CTNNA2: variants seen among roughly 807,000 people sequenced by gnomAD.
The protein encoded by CTNNA2 is catenin alpha 2.
CTNNA2 carries 42 observed loss-of-function variants against 101.0 expected under a neutral mutation model. The ratio of observed to expected loss-of-function variants is 0.42; its 90% CI spans 0.32 to 0.54. The LOEUF is 0.54. Ranked by LOEUF, CTNNA2 falls within the 20% of genes least tolerant of loss-of-function variation. The probability of loss-of-function intolerance (pLI) is 0.14; values close to 1 mark genes in which losing one functional copy is unlikely to be tolerated. For missense variants in CTNNA2, 871 were observed against 1,223.1 expected (o/e 0.71, Z 4.29); for synonymous variants, 450 against 456.4 (o/e 0.99, Z 0.18).
chr2:80,293,328 T>G (rs1048081036), intron 7 of CTNNA2, among the ~76,000 whole-genome samples: 2 of 152,220 alleles, frequency 1.3e-5, no homozygotes, highest in East Asian at 3.8e-4. Context: ...ACAATATCTC[T>G]AAGATAGAGA....
intron 9 of CTNNA2, among the ~76,000 whole-genome samples, chr2:80,504,079 TG>T (rs1377806857): frequency 6.6e-6 from 1 of 152,184 alleles, no homozygotes; most frequent in Non-Finnish European, 1.5e-5. Context: ...ATTCTGAGCA[TG>T]GTTTAGTTAG....
intron 12 of CTNNA2, among the ~76,000 whole-genome samples, chr2:80,561,805 C>T (rs1057447714): frequency 6.0e-5 from 9 of 149,998 alleles, no homozygotes; most frequent in African/African-American, 7.4e-5. Flanking sequence ...TGATTACAGG[C>T]GGTCGCCACC....
At chr2:79,501,721 A>C (rs2103804816) in intron 4 of CTNNA2, among the ~76,000 whole-genome samples, 1 of 152,292 alleles carries the variant, frequency 6.6e-6, no homozygotes, top group African/African-American at 2.4e-5. Context: ...CCCAAATCTA[A>C]AAGTGAAAAT....
intron 7 of CTNNA2, among the ~76,000 whole-genome samples, chr2:79,932,575 T>G (rs926369226): frequency 2.0e-5 from 3 of 152,096 alleles, no homozygotes; most frequent in African/African-American, 7.2e-5. Flanking sequence ...GAGCCAGTTA[T>G]TGAAGTAAGC....
intron 1 of CTNNA2, among the ~76,000 whole-genome samples, chr2:79,588,911 G>A (rs770527847): frequency 2.6e-5 from 4 of 152,116 alleles, no homozygotes; most frequent in Non-Finnish European, 5.9e-5. Flanking sequence ...GGCAATTTGG[G>A]TAAATTAATG....
chr2:79,672,746 C>T (rs1046752150), intron 2 of CTNNA2, among the ~76,000 whole-genome samples: 2 of 140,210 alleles, frequency 1.4e-5, no homozygotes, highest in African/African-American at 5.3e-5. Flanking sequence ...TTTGCTCTTA[C>T]TGCCCAGGCT....
chr2:79,287,782 C>G (rs561587338), intron 2 of CTNNA2, among the ~76,000 whole-genome samples: 2 of 152,328 alleles, frequency 1.3e-5, no homozygotes, highest in East Asian at 1.9e-4. Context: ...CCACCCAGTT[C>G]CAGCTTCCCG....
At chr2:79,763,880 C>T (rs906480952) in intron 3 of CTNNA2, among the ~76,000 whole-genome samples, 3 of 152,134 alleles carry the variant, frequency 2.0e-5, no homozygotes, top group African/African-American at 4.8e-5. Flanking sequence ...CTGTTTAATA[C>T]GAAGTTATCA....
At chr2:80,383,108 G>A (rs76415685) in intron 7 of CTNNA2, among the ~76,000 whole-genome samples, 3,113 of 152,240 alleles carry the variant, frequency 0.02, 41 homozygotes, top group Middle Eastern at 0.034. Flanking sequence ...AGCTCAGGGG[G>A]TTGGCACTAT....
intron 3 of CTNNA2, among the ~76,000 whole-genome samples, chr2:79,822,185 GT>G (rs57916010): frequency 0.28 from 40,711 of 147,686 alleles, 6,522 homozygotes; most frequent in African/African-American, 0.46. Flanking sequence ...GATTCCAACG[GT>G]TTTTTTTTTT....
chr2:80,081,016 G>A (rs974851917), intron 7 of CTNNA2, among the ~76,000 whole-genome samples: 1 of 146,450 alleles, frequency 6.8e-6, no homozygotes, highest in Non-Finnish European at 1.5e-5. Flanking sequence ...TACTTTATAC[G>A]TGTGGAACCA....
intron 15 of CTNNA2, among the ~76,000 whole-genome samples, chr2:80,591,449 C>T (rs1696480690): frequency 1.4e-5 from 1 of 71,380 alleles, no homozygotes; most frequent in Non-Finnish European, 3.4e-5. Context: ...CCTCCATCTG[C>T]ACAGCCTGTT....
At chr2:80,610,130 C>CT (rs1418897846) in intron 17 of CTNNA2, among the ~76,000 whole-genome samples, 2 of 151,608 alleles carry the variant, frequency 1.3e-5, no homozygotes, top group Non-Finnish European at 3.0e-5. Context: ...TAAATATTTG[C>CT]TATATATGCT....
chr2:79,423,062 C>A (rs1033479726), intron 4 of CTNNA2, among the ~76,000 whole-genome samples: 2 of 152,036 alleles, frequency 1.3e-5, no homozygotes, highest in African/African-American at 4.8e-5. Flanking sequence ...AATTGGGAGG[C>A]CTTTGTGATT....
chr2:80,225,671 T>G (rs1708846784), intron 7 of CTNNA2, among the ~76,000 whole-genome samples: 1 of 152,218 alleles, frequency 6.6e-6, no homozygotes. Context: ...TCTGTCAGAC[T>G]TATTTTCCTA....
At chr2:79,762,195 A>G (rs2105091378) in intron 3 of CTNNA2, among the ~76,000 whole-genome samples, 1 of 152,298 alleles carries the variant, frequency 6.6e-6, no homozygotes, top group South Asian at 2.1e-4. Flanking sequence ...TTTAAAAAGA[A>G]GAGGAAGAAT....
chr2:79,813,960 C>T (rs1677249604), intron 3 of CTNNA2, among the ~76,000 whole-genome samples: 1 of 152,110 alleles, frequency 6.6e-6, no homozygotes, highest in South Asian at 2.1e-4. Flanking sequence ...CTTGACTTTT[C>T]TTGGCTCCTT....
At chr2:79,838,469 G>C (rs1292557366) in intron 3 of CTNNA2, among the ~76,000 whole-genome samples, 1 of 152,174 alleles carries the variant, frequency 6.6e-6, no homozygotes, top group East Asian at 1.9e-4. Context: ...AAAACAATAG[G>C]AGGCTATATC....
intron 7 of CTNNA2, among the ~76,000 whole-genome samples, chr2:80,198,431 C>G (rs563170802): frequency 6.6e-6 from 1 of 152,272 alleles, no homozygotes; most frequent in African/African-American, 2.4e-5. Context: ...GGAGTGAAAG[C>G]TAAGCTCTCA....
Sources: allele counts gnomAD v4.1 joint callset (sites outside exome capture counted in the v4.1 genomes callset), GRCh38; gene constraint gnomAD v4.1.1; transcripts MANE v1.5; gene names NCBI Gene and HGNC (gene_info 2026-07-23, HGNC 2026-07-21).